MTHFD1L: variants seen among roughly 807,000 people sequenced by gnomAD.
MTHFD1L encodes the protein methylenetetrahydrofolate dehydrogenase (NADP+ dependent) 1 like.
MTHFD1L carries 81 observed loss-of-function variants against 119.5 expected under a neutral mutation model. The observed-to-expected ratio is 0.68, with a 90% CI of 0.57 to 0.82. The LOEUF is 0.82. MTHFD1L is among the 40% of genes least tolerant of loss of function. The probability of loss-of-function intolerance (pLI) is 0.00; values close to 1 mark genes in which losing one functional copy is unlikely to be tolerated. For missense variants in MTHFD1L, 1,125 were observed against 1,253.4 expected (o/e 0.90, Z 1.55); for synonymous variants, 430 against 475.2 (o/e 0.90, Z 1.24).
At chr6:151,014,005 G>T (rs1324698351) in intron 22 of MTHFD1L, among the ~76,000 whole-genome samples, 185 bp downstream of exon 22, 1 of 151,908 alleles carries the variant, frequency 6.6e-6, no homozygotes, top group Non-Finnish European at 1.5e-5. Flanking sequence ...ATGAGGCCAG[G>T]AGTTCAAGAC....
intron 4 of MTHFD1L, among the ~76,000 whole-genome samples, chr6:150,882,378 C>G (rs976305473): frequency 6.6e-6 from 1 of 152,204 alleles, no homozygotes; most frequent in African/African-American, 2.4e-5. Flanking sequence ...TCCTGTCCTT[C>G]CTGAAAACTG....
rs570366445 is a variant in MTHFD1L at position 151,009,814 on chromosome 6, C to G, written c.2126-5C>G. ...ATAGCACATATTCCACTTGCTTCCC[C>G]ACAGTGACCGAAGCTGGCTTTGGTG... is the stretch of plus-strand genomic sequence containing the variant. On this transcript the variant is annotated splice_region_variant and splice_polypyrimidine_tract_variant and intron_variant, in intron 20 of 27. Transcript: ENST00000367321. The G allele has an allele frequency of 6.2e-7, 1 of 1,613,500 alleles. No individual in the cohort carries two copies. The highest frequency in any genetic ancestry group is 1.1e-5 in the South Asian group (1 of 90,892).
At chr6:151,089,362 G>A (rs949194138) in intron 26 of MTHFD1L, among the ~76,000 whole-genome samples, 1 of 152,206 alleles carries the variant, frequency 6.6e-6, no homozygotes, top group Non-Finnish European at 1.5e-5. Flanking sequence ...AGCACTTTGG[G>A]AGGCTGAGGC....
intron 24 of MTHFD1L, among the ~76,000 whole-genome samples, chr6:151,026,423 A>G (rs1784609059): frequency 6.6e-6 from 1 of 152,214 alleles, no homozygotes; most frequent in African/African-American, 2.4e-5. Flanking sequence ...GGATTGTTCC[A>G]GTCCCATTTC....
chr6:150,980,253 A>G (rs1490744382), intron 20 of MTHFD1L, among the ~76,000 whole-genome samples: 1 of 152,208 alleles, frequency 6.6e-6, no homozygotes, highest in African/African-American at 2.4e-5. Context: ...TGTCTTCAGG[A>G]AGGCTTAACT....
At chr6:150,949,891 A>G (rs1794599422) in intron 16 of MTHFD1L, among the ~76,000 whole-genome samples, 2 of 152,176 alleles carry the variant, frequency 1.3e-5, no homozygotes, top group Admixed American at 1.3e-4. Context: ...AGATGGTCAC[A>G]TACGCTGCAC....
chr6:151,055,519 A>C (rs906058450), intron 26 of MTHFD1L, among the ~76,000 whole-genome samples: 6 of 148,596 alleles, frequency 4.0e-5, no homozygotes, highest in African/African-American at 1.5e-4. Flanking sequence ...TTTGTGCTGA[A>C]TCTTTTTTTT....
intron 26 of MTHFD1L, among the ~76,000 whole-genome samples, chr6:151,068,098 G>A (rs563567278): frequency 6.6e-5 from 10 of 152,368 alleles, no homozygotes; most frequent in South Asian, 4.1e-4. Context: ...TCTGATTCAC[G>A]CCATTGGTAA....
At chr6:150,938,611 G>A in intron 12 of MTHFD1L, 88 bp from the exon 13 acceptor site, 1 of 1,427,958 alleles carries the variant, frequency 7.0e-7, no homozygotes, top group Non-Finnish European at 9.7e-7. Context: ...TCTCTGTTGG[G>A]TTTGGGGAGC....
rs1790029181 is a variant in MTHFD1L at position 150,926,577 on chromosome 6, T to G, written c.1256+282T>G. Among the ~76,000 whole-genome samples, 1 of 152,240 alleles carries G rather than the reference T, an allele frequency of 6.6e-6. No individual in the cohort carries two copies. The highest frequency in any genetic ancestry group is 2.4e-5 in the African/African-American group (1 of 41,472). On this transcript the variant is annotated intron_variant, in intron 11 of 27. Transcript: ENST00000367321. This position sits in a 1 kb window ranked among gnomAD's most constrained non-coding sequence, Gnocchi z 4.3. Reference sequence around the variant, plus strand: ...CCCTGCTCCTCCTTGACTTTTTGAATTTCATTTTTCATTATAAAAATCAAA... The same window carrying G: ...CCCTGCTCCTCCTTGACTTTTTGAAGTTCATTTTTCATTATAAAAATCAAA...
chr6:150,888,802 C>T (rs1057130895), intron 7 of MTHFD1L, among the ~76,000 whole-genome samples: 1 of 152,080 alleles, frequency 6.6e-6, no homozygotes, highest in African/African-American at 2.4e-5. Context: ...GACAAACAGA[C>T]GATCGGAACA....
At chr6:151,090,279 C>T (rs1475300601) in intron 26 of MTHFD1L, among the ~76,000 whole-genome samples, 1 of 152,178 alleles carries the variant, frequency 6.6e-6, no homozygotes, top group Non-Finnish European at 1.5e-5. Flanking sequence ...TCCTTCTCTC[C>T]CTCTCCCCAC....
chr6:151,006,599 T>G (rs484994), intron 20 of MTHFD1L, among the ~76,000 whole-genome samples: 18,671 of 152,088 alleles, frequency 0.12, 2,071 homozygotes, highest in African/African-American at 0.29. Flanking sequence ...GCTTGCAATT[T>G]TTCAAGGGCA....
At chr6:151,069,131 G>A (rs1188314616) in intron 26 of MTHFD1L, among the ~76,000 whole-genome samples, 1 of 152,148 alleles carries the variant, frequency 6.6e-6, no homozygotes, top group Non-Finnish European at 1.5e-5. Flanking sequence ...AAGAGGGATG[G>A]AATGCAGTGA....
intron 6 of MTHFD1L, among the ~76,000 whole-genome samples, chr6:150,886,881 G>A (rs931449258): frequency 6.6e-6 from 1 of 150,598 alleles, no homozygotes; most frequent in South Asian, 2.1e-4. Context: ...CTGTAGTCCC[G>A]GCTACTTGGG....
At position 150,874,612 on chromosome 6, in the gene MTHFD1L, G is replaced by T. The variant is rs144872974; in HGVS notation, c.228-1478G>T. Among the ~76,000 whole-genome samples the T allele has an allele frequency of 2.0e-5, 3 of 152,354 alleles. No individual in the cohort carries two copies. In the East Asian group the frequency reaches 5.8e-4, roughly 29 times the overall value. On this transcript the variant is annotated intron_variant, in intron 1 of 27. Transcript: ENST00000367321. ...GTGGTCTTAGCACTGAAGCCTGGGG[G>T]CTCCTGTGGCTGCGCCTTTGGTCTA...
intron 7 of MTHFD1L, among the ~76,000 whole-genome samples, chr6:150,896,351 C>A (rs1054684035): frequency 3.9e-5 from 6 of 152,194 alleles, no homozygotes; most frequent in African/African-American, 1.2e-4. Flanking sequence ...TGGGGCTCAT[C>A]ATCAGCTCTC....
At position 150,922,308 on chromosome 6, in the gene MTHFD1L, A is replaced by G. The variant is rs374085732; in HGVS notation, c.1082+6A>G. ...CCTCTCTCCCCTGTGCCAAGGTAAC[A>G]CTGGTGTTTTATTTACACTGATGTC... is the stretch of plus-strand genomic sequence containing the variant. On this transcript the variant is annotated splice_donor_region_variant and intron_variant, in intron 10 of 27. Coordinates refer to ENST00000367321, the MANE Select transcript of MTHFD1L (RefSeq NM_015440.5). 1.9e-4 allele frequency: 312 copies of G among 1,612,386 alleles called. 1 individual carries two copies. Among genetic ancestry groups the G allele is most frequent in the Non-Finnish European group, 2.5e-4 (298 of 1,178,590 alleles).
At chr6:150,903,880 A>G (rs976902586) in intron 7 of MTHFD1L, among the ~76,000 whole-genome samples, 2 of 152,376 alleles carry the variant, frequency 1.3e-5, no homozygotes, top group Admixed American at 6.5e-5. Context: ...CCCTATTTAC[A>G]TGGTCAAATT....
Sources: allele counts gnomAD v4.1 joint callset (sites outside exome capture counted in the v4.1 genomes callset), GRCh38; gene constraint gnomAD v4.1.1; non-coding constraint Gnocchi (gnomAD v3.1); transcripts MANE v1.5; gene names NCBI Gene and HGNC (gene_info 2026-07-23, HGNC 2026-07-21).